PCDHGA10: variants seen among roughly 807,000 people sequenced by gnomAD.
The protein encoded by PCDHGA10 is protocadherin gamma subfamily A, 10.
PCDHGA10 carries 42 observed loss-of-function variants against 59.5 expected under a neutral mutation model. That is an observed-to-expected ratio of 0.71 (90% CI 0.55 to 0.91). The LOEUF is 0.91. PCDHGA10 is among the 40% of genes least tolerant of loss of function. PCDHGA10 has a pLI of 0.00. For missense variants in PCDHGA10, 1,111 were observed against 1,198.2 expected, an observed-to-expected ratio of 0.93 and a Z score of 1.07; for synonymous variants, 511 against 517.2, an observed-to-expected ratio of 0.99 and a Z score of 0.16.
chr5:141,480,457 G>GT (rs1309116577), intron 1 of PCDHGA10, among the ~76,000 whole-genome samples: 4 of 152,060 alleles, frequency 2.6e-5, no homozygotes, highest in Non-Finnish European at 5.9e-5. Flanking sequence ...ATTTTTATTA[G>GT]TTCCTCACTC....
chr5:141,469,753 T>C (rs564585597), intron 1 of PCDHGA10, among the ~76,000 whole-genome samples: 1 of 152,322 alleles, frequency 6.6e-6, no homozygotes, highest in East Asian at 1.9e-4. Flanking sequence ...ATTACAAAAA[T>C]ACATATATAC....
chr5:141,472,230 C>T (rs1274096264), intron 1 of PCDHGA10, among the ~76,000 whole-genome samples: 1 of 152,116 alleles, frequency 6.6e-6, no homozygotes, highest in Non-Finnish European at 1.5e-5. Flanking sequence ...TCATATAATA[C>T]ATTCACTTTC....
Position 141,489,084 on chromosome 5 carries a change from C to T in PCDHGA10, c.2437-5723C>T, listed in dbSNP as rs1232276875. On this transcript the variant is annotated intron_variant, in intron 1 of 3. Transcript: ENST00000398610. This position sits in a 1 kb window ranked among gnomAD's most constrained non-coding sequence, Gnocchi z 4.5. ...CTCCCCCCTGCCCACCCCCGCCACTCGGTGACTAAGAACTGCTGCAAGCAG... is the reference window on the plus strand; with the variant it reads ...CTCCCCCCTGCCCACCCCCGCCACTTGGTGACTAAGAACTGCTGCAAGCAG... The T allele has an allele frequency of 1.5e-5, 5 of 329,072 alleles. No homozygotes were observed. Among genetic ancestry groups the T allele is most frequent in the South Asian group, 1.3e-4 (2 of 15,846 alleles). The allele number at this position is 329,072 out of a possible 1,614,324, so 20.4% of individuals were successfully genotyped here. A position where few individuals can be genotyped will look rare whatever the true frequency, so the allele number is the denominator to read the frequency against.
intron 1 of PCDHGA10, chr5:141,419,997 T>C: frequency 2.5e-6 from 4 of 1,614,088 alleles, no homozygotes; most frequent in Non-Finnish European, 3.4e-6. Flanking sequence ...GCTATTGCTC[T>C]ACGCCTGCGA....
chr5:141,485,895 C>G lies in PCDHGA10; in HGVS notation c.2437-8912C>G, dbSNP rs1243568042. On this transcript the variant is annotated intron_variant, in intron 1 of 3. Coordinates refer to ENST00000398610, the MANE Select transcript of PCDHGA10 (RefSeq NM_018913.3). This position sits in a 1 kb window ranked among gnomAD's most constrained non-coding sequence, Gnocchi z 5.7. Reference sequence around the variant, plus strand: ...CTGGACGTAAACGACAACGCCCCAGCCTTCCAGCAATCCAGCTACAGGATT... The same window carrying G: ...CTGGACGTAAACGACAACGCCCCAGGCTTCCAGCAATCCAGCTACAGGATT... 3 of 1,614,136 alleles carry G rather than the reference C, an allele frequency of 1.9e-6. No individual in the cohort carries two copies. The highest frequency in any genetic ancestry group is 2.5e-6 in the Non-Finnish European group (3 of 1,180,036).
chr5:141,490,338 C>A lies in PCDHGA10; in HGVS notation c.2437-4469C>A, dbSNP rs1408559629. Reference sequence around the variant, plus strand: ...CTGTCCTAGAGAGCACACCAGTGGGCACAGTAGTGGGGTTGTTTAATGTGC... The same window carrying A: ...CTGTCCTAGAGAGCACACCAGTGGGAACAGTAGTGGGGTTGTTTAATGTGC... On this transcript the variant is annotated intron_variant, in intron 1 of 3. Coordinates refer to ENST00000398610, the MANE Select transcript of PCDHGA10 (RefSeq NM_018913.3). This position sits in a 1 kb window ranked among gnomAD's most constrained non-coding sequence, Gnocchi z 5.4. 6.2e-7 allele frequency: 1 copy of A among 1,614,184 alleles called. No homozygotes were observed. The highest frequency in any genetic ancestry group is 1.7e-5 in the Admixed American group (1 of 60,032).
Position 141,485,987 on chromosome 5 carries a change from G to T in PCDHGA10, c.2437-8820G>T. 1 of 1,614,170 alleles carries T rather than the reference G, an allele frequency of 6.2e-7. No homozygotes were observed. On this transcript the variant is annotated intron_variant, in intron 1 of 3. Transcript: ENST00000398610. The surrounding 1 kb of genome is among the most constrained non-coding windows in gnomAD (Gnocchi z 5.7). ...GCTCAATGCCTCAGACCCGGACCTG[G>T]GTCCCAGTGGTAACGTCACCTTTTA...
intron 1 of PCDHGA10, chr5:141,416,902 C>T (rs1364019748): frequency 1.3e-5 from 2 of 152,020 alleles, no homozygotes; most frequent in Non-Finnish European, 2.9e-5. Flanking sequence ...GGAAGGAAAG[C>T]ACACTCTTTA....
chr5:141,441,762 C>A (rs3805697), intron 1 of PCDHGA10: 10 of 374,012 alleles, frequency 2.7e-5, no homozygotes, highest in Non-Finnish European at 2.2e-5. Flanking sequence ...CGTGAGCCTG[C>A]GCGTGTTGGT....
At chr5:141,435,863 C>T (rs772361494) in intron 1 of PCDHGA10, among the ~76,000 whole-genome samples, 16 of 151,882 alleles carry the variant, frequency 1.1e-4, no homozygotes, top group Non-Finnish European at 2.2e-4. Context: ...TAGTTAAAAC[C>T]CAGAAAAGAG....
In PCDHGA10 at chr5:141,432,847, G is replaced by C. The variant is rs768265171; in HGVS notation, c.2436+17236G>C. ...ACCTCACTCTGTACCTGGTGGTAGC[G>C]GTGGCCGCGGTCTCCTGCGTCTTCC... On this transcript the variant is annotated intron_variant, in intron 1 of 3. Transcript: ENST00000398610. The surrounding 1 kb of genome is among the most constrained non-coding windows in gnomAD (Gnocchi z 6.0). The C allele has an allele frequency of 1.2e-6, 2 of 1,614,180 alleles. No homozygotes were observed. Among genetic ancestry groups the C allele is most frequent in the Admixed American group, 1.7e-5 (1 of 60,032 alleles).
chr5:141,484,230 G>A (rs1325484143), intron 1 of PCDHGA10, among the ~76,000 whole-genome samples: 2 of 152,174 alleles, frequency 1.3e-5, no homozygotes, highest in Non-Finnish European at 2.9e-5. Flanking sequence ...CAGGTAAAGA[G>A]ATCTGGTCCT....
Position 141,489,829 on chromosome 5 carries a change from G to T in PCDHGA10, c.2437-4978G>T, listed in dbSNP as rs1445416879. 6.2e-7 allele frequency: 1 copy of T among 1,614,076 alleles called. No individual in the cohort carries two copies. Among genetic ancestry groups the T allele is most frequent in the South Asian group, 1.1e-5 (1 of 91,070 alleles). ...GAAGCCATTCCCAGAGCTGGTGCTA[G>T]AGCAGCAGCTGGATCGTGAAGCCCA... On this transcript the variant is annotated intron_variant, in intron 1 of 3. Coordinates refer to ENST00000398610, the MANE Select transcript of PCDHGA10 (RefSeq NM_018913.3). The surrounding 1 kb of genome is among the most constrained non-coding windows in gnomAD (Gnocchi z 4.5).
intron 1 of PCDHGA10, among the ~76,000 whole-genome samples, chr5:141,469,212 G>A (rs114294512): frequency 0.021 from 3,174 of 151,360 alleles, 54 homozygotes; most frequent in Non-Finnish European, 0.032. Flanking sequence ...TTGAAGTTGA[G>A]GCTTCAGTGA....
chr5:141,439,470 T>C (rs1357441747), intron 1 of PCDHGA10, among the ~76,000 whole-genome samples: 1 of 152,220 alleles, frequency 6.6e-6, no homozygotes, highest in African/African-American at 2.4e-5. Flanking sequence ...CTGCTGCCTT[T>C]CAGCTTGCAA....
At chr5:141,464,251 C>G (rs1438610569) in intron 1 of PCDHGA10, among the ~76,000 whole-genome samples, 1 of 141,396 alleles carries the variant, frequency 7.1e-6, no homozygotes, top group African/African-American at 2.7e-5. Context: ...GGCTACAGAG[C>G]GAGACTCCGT....
At chr5:141,430,950 TC>T (rs1353555538) in intron 1 of PCDHGA10, 1 of 1,609,980 alleles carries the variant, frequency 6.2e-7, no homozygotes, top group East Asian at 2.2e-5. Flanking sequence ...GAGCGCGGAG[TC>T]CGCATCATCC....
chr5:141,489,447 G>A lies in PCDHGA10; in HGVS notation c.2437-5360G>A. The A allele has an allele frequency of 5.6e-6, 9 of 1,614,134 alleles. No homozygotes were observed. The highest frequency in any genetic ancestry group is 7.6e-6 in the Non-Finnish European group (9 of 1,180,028). ...GCCGGCGGCTGCAATTGGGCTCTGA[G>A]GAGAATGGGCGCTATTTTTCCCTGA... On this transcript the variant is annotated intron_variant, in intron 1 of 3. Coordinates refer to ENST00000398610, the MANE Select transcript of PCDHGA10 (RefSeq NM_018913.3). This position sits in a 1 kb window ranked among gnomAD's most constrained non-coding sequence, Gnocchi z 4.5.
chr5:141,490,180 C>T lies in PCDHGA10; in HGVS notation c.2437-4627C>T, dbSNP rs747366205. On this transcript the variant is annotated intron_variant, in intron 1 of 3. Coordinates refer to ENST00000398610, the MANE Select transcript of PCDHGA10 (RefSeq NM_018913.3). This position sits in a 1 kb window ranked among gnomAD's most constrained non-coding sequence, Gnocchi z 5.4. ...GGGTCCCATAGACTTTGAGGAGTCACGTTTCTATGAAATTCATGCAAGAGC... is the reference window on the plus strand; with the variant it reads ...GGGTCCCATAGACTTTGAGGAGTCATGTTTCTATGAAATTCATGCAAGAGC... 3 of 1,614,208 alleles carry T rather than the reference C, an allele frequency of 1.9e-6. No individual in the cohort carries two copies. Among genetic ancestry groups the T allele is most frequent in the East Asian group, 2.2e-5 (1 of 44,882 alleles).
Sources: allele counts gnomAD v4.1 joint callset (sites outside exome capture counted in the v4.1 genomes callset), GRCh38; gene constraint gnomAD v4.1.1; non-coding constraint Gnocchi (gnomAD v3.1); transcripts MANE v1.5; gene names NCBI Gene and HGNC (gene_info 2026-07-23, HGNC 2026-07-21).